The following LRRC28 variants were observed in gnomAD, a reference collection of about 807,000 sequenced individuals.
LRRC28 encodes the protein leucine rich repeat containing 28.
Under a neutral mutation model 45.7 loss-of-function variants are expected in LRRC28, and 39 were observed. The observed-to-expected ratio is 0.85, with a 90% CI of 0.66 to 1.12. The LOEUF (loss-of-function observed/expected upper bound fraction) is 1.12. Ranked by LOEUF, LRRC28 falls within the 50% of genes most tolerant of loss-of-function variation. LRRC28 has a pLI of 0.00. For missense variants in LRRC28, 435 were observed against 438.5 expected (o/e 0.99, Z 0.07); for synonymous variants, 206 against 178.8 (o/e 1.15, Z -1.22).
At chr15:99,272,542 C>T (rs2081509600) in intron 2 of LRRC28, among the ~76,000 whole-genome samples, 1 of 152,076 alleles carries the variant, frequency 6.6e-6, no homozygotes, top group African/African-American at 2.4e-5. Flanking sequence ...CGTATTTGTT[C>T]CAAGTTAAAA....
intron 2 of LRRC28, among the ~76,000 whole-genome samples, chr15:99,267,674 A>G (rs991161674): frequency 6.6e-6 from 1 of 152,236 alleles, no homozygotes; most frequent in Admixed American, 6.5e-5. Context: ...AATGTGGTAC[A>G]GTTCTGGAAA....
At chr15:99,256,164 C>T (rs1341666107) in intron 2 of LRRC28, 39 bp downstream of exon 2, 2 of 1,527,420 alleles carry the variant, frequency 1.3e-6, no homozygotes, top group Admixed American at 4.0e-5. Flanking sequence ...ATTATTTATA[C>T]ATGTGGTCCT....
At chr15:99,353,852 T>C (rs970286893) in intron 7 of LRRC28, 1 of 152,232 alleles carries the variant, frequency 6.6e-6, no homozygotes, top group Non-Finnish European at 1.5e-5. Flanking sequence ...ATAGATGTTA[T>C]TGACTACTAG....
At chr15:99,354,356 G>T (rs1328576866) in intron 7 of LRRC28, among the ~76,000 whole-genome samples, 1 of 152,182 alleles carries the variant, frequency 6.6e-6, no homozygotes, top group African/African-American at 2.4e-5. Flanking sequence ...CAAGCATTAA[G>T]AGTCTTCTTT....
chr15:99,296,073 C>T (rs969707840), intron 5 of LRRC28, among the ~76,000 whole-genome samples: 1 of 152,134 alleles, frequency 6.6e-6, no homozygotes, highest in African/African-American at 2.4e-5. Flanking sequence ...AGAGCCTGGT[C>T]CTCTAGGGCT....
At chr15:99,370,400 A>G (rs1471225472) in intron 9 of LRRC28, among the ~76,000 whole-genome samples, 1 of 152,136 alleles carries the variant, frequency 6.6e-6, no homozygotes, top group Non-Finnish European at 1.5e-5. Context: ...ACACATGCAC[A>G]CGTGTGTGTG....
intron 7 of LRRC28, among the ~76,000 whole-genome samples, chr15:99,360,763 A>G (rs543858573): frequency 1.6e-4 from 24 of 152,326 alleles, no homozygotes; most frequent in African/African-American, 5.3e-4. Context: ...GAACGAGGAC[A>G]TCTCTGCCTT....
intron 6 of LRRC28, among the ~76,000 whole-genome samples, chr15:99,350,258 A>G (rs1470922844): frequency 6.6e-6 from 1 of 152,168 alleles, no homozygotes; most frequent in Non-Finnish European, 1.5e-5. Flanking sequence ...GGGGAAGCAG[A>G]TGCTCTCATA....
At position 99,334,078 on chromosome 15, in the gene LRRC28, A is replaced by C. The variant is rs1414550109; in HGVS notation, c.541A>C (p.Ser181Arg). 3.1e-6 allele frequency: 5 copies of C among 1,614,152 alleles called. No individual in the cohort carries two copies. ...YVPRHLCQLP[S>R]LNELSMAGNR... ...GCCGCGCCATCTCTGCCAGCTGCCC[A>C]GCCTCAATGAGCTCTCCATGGCTGG... Residue 181 changes from serine to arginine, a missense_variant, in exon 6 of 10, where the codon AGC (serine) becomes CGC (arginine). By Grantham distance (110) the Ser-to-Arg change is moderately radical. Transcript: ENST00000301981.
At chr15:99,273,071 A>C (rs1422647898) in intron 2 of LRRC28, among the ~76,000 whole-genome samples, 1 of 152,214 alleles carries the variant, frequency 6.6e-6, no homozygotes, top group Non-Finnish European at 1.5e-5. Flanking sequence ...AAGTGTAAAA[A>C]TTAAAACGTA....
intron 2 of LRRC28, chr15:99,259,165 T>G (rs2081116841): frequency 3.2e-6 from 4 of 1,269,420 alleles, no homozygotes; most frequent in Non-Finnish European, 4.6e-6. Flanking sequence ...CTTCTCATCA[T>G]CCAGCTGACA....
chr15:99,306,701 A>T (rs966072445), intron 5 of LRRC28, among the ~76,000 whole-genome samples: 2 of 152,202 alleles, frequency 1.3e-5, no homozygotes, highest in African/African-American at 4.8e-5. Flanking sequence ...TTTTAAAAGA[A>T]GCCTAGTTTT....
chr15:99,348,817 C>A (rs1035665985), intron 6 of LRRC28, among the ~76,000 whole-genome samples: 1 of 150,700 alleles, frequency 6.6e-6, no homozygotes, highest in Non-Finnish European at 1.5e-5. Flanking sequence ...ATAAAGAATG[C>A]CACTGGAATT....
In LRRC28 at chr15:99,387,289, T is replaced by A. The variant is rs1043546546; in HGVS notation, c.*1187T>A. On this transcript the variant is annotated 3_prime_UTR_variant, in exon 10 of 10. Coordinates refer to ENST00000301981, the MANE Select transcript of LRRC28 (RefSeq NM_144598.5). ...GTTAGCCGGGATGGTCTCGATCTCCTGACCTCGTGATCCGCACGCCTCGGC... is the reference window on the plus strand; with the variant it reads ...GTTAGCCGGGATGGTCTCGATCTCCAGACCTCGTGATCCGCACGCCTCGGC... 6.6e-6 allele frequency: 1 copy of A among 151,752 alleles called. No homozygotes were observed. Among genetic ancestry groups the A allele is most frequent in the African/African-American group, 2.4e-5 (1 of 41,276 alleles). The allele number at this position is 151,752 out of a possible 1,614,324, so 9.4% of individuals were successfully genotyped here.
At chr15:99,333,451 C>A (rs1005507757) in intron 5 of LRRC28, among the ~76,000 whole-genome samples, 1 of 152,200 alleles carries the variant, frequency 6.6e-6, no homozygotes. Flanking sequence ...AATTTCTACT[C>A]CAGAAATCTG....
chr15:99,367,552 C>T (rs1330422805), intron 9 of LRRC28, among the ~76,000 whole-genome samples: 1 of 152,128 alleles, frequency 6.6e-6, no homozygotes, highest in Non-Finnish European at 1.5e-5. Flanking sequence ...ACCTAATCAC[C>T]TCTTAAAGGC....
chr15:99,325,342 T>G (rs1045549073), intron 5 of LRRC28, among the ~76,000 whole-genome samples: 1 of 152,228 alleles, frequency 6.6e-6, no homozygotes, highest in African/African-American at 2.4e-5. Flanking sequence ...ATCCCTTAAT[T>G]AGTATTTTCT....
At chr15:99,287,110 C>A in intron 3 of LRRC28, 147 bp from the exon 4 acceptor site, 1 of 563,960 alleles carries the variant, frequency 1.8e-6, no homozygotes, top group Non-Finnish European at 3.1e-6. Flanking sequence ...CTGTGATAAC[C>A]ATTATTGTAT....
intron 5 of LRRC28, among the ~76,000 whole-genome samples, chr15:99,300,121 T>C (rs1194620216): frequency 6.6e-6 from 1 of 152,150 alleles, no homozygotes; most frequent in Non-Finnish European, 1.5e-5. Context: ...CTTAGTGTTT[T>C]TTTTTCTTAA....
Sources: allele counts gnomAD v4.1 joint callset (sites outside exome capture counted in the v4.1 genomes callset), GRCh38; gene constraint gnomAD v4.1.1; transcripts MANE v1.5; gene names NCBI Gene and HGNC (gene_info 2026-07-23, HGNC 2026-07-21).